The following EMC3 variants were observed in gnomAD, a reference collection of about 807,000 sequenced individuals.
EMC3 encodes 30 kDa protein.
A neutral mutation model predicts 36.6 loss-of-function variants in EMC3; 13 were observed. The ratio of observed to expected loss-of-function variants is 0.35; its 90% confidence interval spans 0.23 to 0.56. EMC3 has a LOEUF of 0.56. Ranked by LOEUF, EMC3 falls within the 20% of genes least tolerant of loss-of-function variation. The pLI, the probability that EMC3 is intolerant of heterozygous loss-of-function variation, is 0.84. For missense variants in EMC3, 220 were observed against 324.5 expected (o/e 0.68, Z 2.47); for synonymous variants, 120 against 111.9 (o/e 1.07, Z -0.46).
upstream of EMC3, among the ~76,000 whole-genome samples, chr3:9,990,986 G>A (rs1211857405): frequency 2.0e-5 from 3 of 151,964 alleles, no homozygotes; most frequent in Non-Finnish European, 2.9e-5. Flanking sequence ...CCACCACCTC[G>A]CCTGGCTAAT....
At chr3:9,990,095 G>C (rs1270285429), upstream of EMC3, among the ~76,000 whole-genome samples, 1 of 151,042 alleles carries the variant, frequency 6.6e-6, no homozygotes, top group Non-Finnish European at 1.5e-5. Flanking sequence ...CGCAATCTCA[G>C]CTCACTGCAA....
At chr3:10,001,264 C>CA (rs2086195566) in intron 1 of EMC3, among the ~76,000 whole-genome samples, 1 of 151,952 alleles carries the variant, frequency 6.6e-6, no homozygotes, top group Non-Finnish European at 1.5e-5. Flanking sequence ...GCACCCTTGT[C>CA]AAAAATCAAT....
chr3:9,969,628 C>T (rs757909778), intron 7 of EMC3, 91 bp downstream of exon 7: 6 of 1,596,492 alleles, frequency 3.8e-6, no homozygotes, highest in East Asian at 4.5e-5. Context: ...TGGAACCACA[C>T]AACACTCCCT....
Position 9,997,740 on chromosome 3 carries a change from G to A in EMC3, c.-241-10838C>T, listed in dbSNP as rs531854809. On this transcript the variant is annotated intron_variant, in intron 1 of 8. Transcript: ENST00000470827. ...CTCCCAAAGTGCTGGGACTACAGGC[G>A]TGAGCCACTGCGCCCGGCCCCCATT... 1.1e-3 allele frequency among the ~76,000 whole-genome samples: 162 copies of A among 152,238 alleles called. 1 individual carries two copies. The highest frequency in any genetic ancestry group is 8.6e-3 in the Admixed American group (132 of 15,296).
rs548239580 is a variant in EMC3 at position 9,976,908 on chromosome 3, A to G, written c.307+49T>C. Reference sequence around the variant, plus strand: ...CCTGCCTACCCCACCCCACTCAAATACCCATGTTAAAAATCTTCCTTAAAG... The same window carrying G: ...CCTGCCTACCCCACCCCACTCAAATGCCCATGTTAAAAATCTTCCTTAAAG... On this transcript the variant is annotated intron_variant, in intron 3 of 7. Transcript: ENST00000245046. The G allele has an allele frequency of 2.2e-6, 3 of 1,374,098 alleles. 1 individual carries two copies. In the East Asian group the frequency reaches 6.9e-5, roughly 32 times the overall value. The allele number at this position is 1,374,098 out of a possible 1,614,324, so 85.1% of individuals were successfully genotyped here. A position where few individuals can be genotyped will look rare whatever the true frequency, so the allele number is the denominator to read the frequency against.
rs372419275 is a variant in EMC3, at chr3:9,965,962, T to A, written c.658-1765A>T. On this transcript the variant is annotated intron_variant, in intron 7 of 7. Coordinates refer to ENST00000245046, the MANE Select transcript of EMC3 (RefSeq NM_001394674.1). ...TCTACTTTTTGATTATTATGAATCA[T>A]GCTCTGAACACATTCTCACATAAGT... Among the ~76,000 whole-genome samples, 10 of 152,366 alleles carry A rather than the reference T, an allele frequency of 6.6e-5. 1 individual carries two copies. In the East Asian group the frequency reaches 9.6e-4, roughly 15 times the overall value.
At chr3:9,990,295 C>G (rs559056008), upstream of EMC3, among the ~76,000 whole-genome samples, 222 of 143,578 alleles carry the variant, frequency 1.5e-3, 1 homozygote, top group African/African-American at 5.7e-3. Context: ...CCTGGGATTA[C>G]AGGTGTGAGC....
upstream of EMC3, among the ~76,000 whole-genome samples, chr3:9,990,376 C>T (rs1256235145): frequency 1.1e-4 from 16 of 139,150 alleles, no homozygotes; most frequent in Admixed American, 4.4e-4. Context: ...GCTCTGTCAC[C>T]GAAGGTGGAG....
chr3:10,001,546 C>G (rs1218277771), intron 1 of EMC3, among the ~76,000 whole-genome samples: 3 of 151,150 alleles, frequency 2.0e-5, no homozygotes, highest in Non-Finnish European at 4.4e-5. Context: ...CCACTGCACT[C>G]CAGCCTGGAT....
At chr3:9,996,648 T>C (rs550255301) in intron 1 of EMC3, among the ~76,000 whole-genome samples, 25 of 152,284 alleles carry the variant, frequency 1.6e-4, no homozygotes, top group Middle Eastern at 3.4e-3. Flanking sequence ...AAAAAAAATT[T>C]TGGACTAGGT....
upstream of EMC3, among the ~76,000 whole-genome samples, chr3:9,991,501 A>G (rs1046785352): frequency 4.6e-5 from 7 of 152,094 alleles, no homozygotes; most frequent in South Asian, 2.1e-4. Context: ...CAGAATCTTA[A>G]CTATGATTAT....
At chr3:9,994,592 C>G (rs1411757830) in intron 1 of EMC3, among the ~76,000 whole-genome samples, 1 of 139,764 alleles carries the variant, frequency 7.2e-6, no homozygotes, top group East Asian at 2.1e-4. Flanking sequence ...TTTTTCAAGA[C>G]AGAGTTTCGT....
chr3:9,987,112 G>A (rs1468638210), upstream of EMC3: 7 of 820,550 alleles, frequency 8.5e-6, no homozygotes, highest in East Asian at 4.7e-4. Context: ...TACTCGGGAG[G>A]CTGAGGCAGG....
Position 9,963,861 on chromosome 3 carries a change from AT to A in EMC3, c.*207del. On this transcript the variant is annotated 3_prime_UTR_variant, in exon 8 of 8. Coordinates refer to ENST00000245046, the MANE Select transcript of EMC3 (RefSeq NM_001394674.1). ...AGTCACCAGAAGGAACATTTACAAC[AT>A]TTTAAAAATAACAAGTTGCCCAGCA... 2 of 660,374 alleles carry A rather than the reference AT, an allele frequency of 3.0e-6. No homozygotes were observed. Among genetic ancestry groups the A allele is most frequent in the African/African-American group, 1.8e-5 (1 of 54,936 alleles). 40.9% of individuals were successfully genotyped at this position (660,374 alleles called of 1,614,324 possible).
In EMC3 at chr3:9,986,816, C is replaced by G. The variant is rs2085979578; in HGVS notation, c.-155G>C. On this transcript the variant is annotated 5_prime_UTR_variant, in exon 1 of 8. Coordinates refer to ENST00000245046, the MANE Select transcript of EMC3 (RefSeq NM_001394674.1). ...GACTGTGAGCCGAGCTTACTGCCTT[C>G]AGCTGGGCTGCCTGGTCTTCCACTT... 2.8e-6 allele frequency: 4 copies of G among 1,422,616 alleles called. No homozygotes were observed. In the African/African-American group the frequency reaches 4.3e-5, roughly 15 times the overall value. 88.1% of individuals were successfully genotyped at this position (1,422,616 alleles called of 1,614,324 possible). A position where few individuals can be genotyped will look rare whatever the true frequency, so the allele number is the denominator to read the frequency against.
chr3:9,970,664 G>A lies in EMC3; in HGVS notation c.495-3C>T, dbSNP rs780158440. On this transcript the variant is annotated splice_polypyrimidine_tract_variant and splice_region_variant and intron_variant, in intron 5 of 7. Transcript: ENST00000245046. ...AGTACCAGGATGCAGAACTCACCCT[G>A]GCAAAGCAAAATGAAAATGGTGTGG... 5 of 1,614,034 alleles carry A rather than the reference G, an allele frequency of 3.1e-6. No individual in the cohort carries two copies. Among genetic ancestry groups the A allele is most frequent in the Non-Finnish European group, 4.2e-6 (5 of 1,179,952 alleles).
intron 1 of EMC3, among the ~76,000 whole-genome samples, chr3:9,999,371 A>G (rs1319622577): frequency 1.3e-5 from 2 of 151,158 alleles, no homozygotes; most frequent in African/African-American, 4.9e-5. Flanking sequence ...CCTCCCGTGT[A>G]GCTGGGACTA....
intron 1 of EMC3, among the ~76,000 whole-genome samples, chr3:9,996,729 C>G (rs1298503582): frequency 6.6e-6 from 1 of 152,104 alleles, no homozygotes; most frequent in Admixed American, 6.5e-5. Context: ...TCTTCTCAGT[C>G]CTCTAGGCAC....
chr3:9,966,821 T>C (rs895809673), intron 7 of EMC3, among the ~76,000 whole-genome samples: 2 of 151,458 alleles, frequency 1.3e-5, no homozygotes, highest in Non-Finnish European at 2.9e-5. Context: ...ATGATCTGCC[T>C]GTCTCAGCCT....
Sources: allele counts gnomAD v4.1 joint callset (sites outside exome capture counted in the v4.1 genomes callset), GRCh38; gene constraint gnomAD v4.1.1; transcripts MANE v1.5; gene names NCBI Gene and HGNC (gene_info 2026-07-23, HGNC 2026-07-21).